Variants in EIF4G3 observed in about 807,000 individuals in gnomAD.
EIF4G3 encodes the protein eIF-4-gamma 3.
Under a neutral mutation model 186.4 loss-of-function variants are expected in EIF4G3, and 34 were observed. The observed-to-expected ratio is 0.18, with a 90% CI of 0.14 to 0.24. The LOEUF (loss-of-function observed/expected upper bound fraction) is 0.24. Ranked by LOEUF, EIF4G3 falls within the 10% of genes least tolerant of loss-of-function variation. The pLI is 1.00. For missense variants in EIF4G3, 1,536 were observed against 1,948.5 expected (o/e 0.79, Z 3.99); for synonymous variants, 673 against 679.5 (o/e 0.99, Z 0.15).
chr1:21,052,894 C>G (rs1333540209), intron 3 of EIF4G3, among the ~76,000 whole-genome samples: 1 of 152,244 alleles, frequency 6.6e-6, no homozygotes, highest in Admixed American at 6.5e-5. Flanking sequence ...TCAATGGTGC[C>G]CAGGCTGGAG....
chr1:21,074,857 T>C (rs1380212564), intron 3 of EIF4G3, among the ~76,000 whole-genome samples: 3 of 152,158 alleles, frequency 2.0e-5, no homozygotes, highest in East Asian at 1.9e-4. Flanking sequence ...AGAGAATCGC[T>C]TGAGCCCAGG....
intron 18 of EIF4G3, among the ~76,000 whole-genome samples, chr1:20,892,142 G>A (rs111316131): frequency 1.2e-4 from 18 of 152,214 alleles, no homozygotes; most frequent in Non-Finnish European, 1.9e-4. Context: ...TTTCAAAGCA[G>A]GTTTCAAAAG....
chr1:20,914,735 A>G (rs1440637930), intron 14 of EIF4G3, among the ~76,000 whole-genome samples: 1 of 152,172 alleles, frequency 6.6e-6, no homozygotes, highest in Non-Finnish European at 1.5e-5. Context: ...GCGTTATTTA[A>G]AAGTGTGTTA....
intron 4 of EIF4G3, among the ~76,000 whole-genome samples, chr1:21,048,785 C>T (rs751052139): frequency 6.6e-6 from 1 of 152,118 alleles, no homozygotes; most frequent in Non-Finnish European, 1.5e-5. Context: ...AAAGCCACAC[C>T]GTGCCCTCTC....
intron 4 of EIF4G3, among the ~76,000 whole-genome samples, chr1:21,041,803 TTCA>T (rs1218683282): frequency 6.6e-6 from 1 of 151,942 alleles, no homozygotes; most frequent in Admixed American, 6.6e-5. Flanking sequence ...AGCTTGAGAG[TTCA>T]TCATTCTTCA....
At chr1:21,169,449 C>A (rs184820892) in intron 2 of EIF4G3, among the ~76,000 whole-genome samples, 5 of 151,646 alleles carry the variant, frequency 3.3e-5, no homozygotes, top group South Asian at 2.1e-4. Flanking sequence ...CTCTCTCCCC[C>A]CAAAAAAATA....
chr1:20,916,626 A>T (rs2154559064), intron 14 of EIF4G3, among the ~76,000 whole-genome samples: 1 of 152,294 alleles, frequency 6.6e-6, no homozygotes, highest in East Asian at 1.9e-4. Context: ...ATGAATCTAG[A>T]AAAACAAAGG....
intron 18 of EIF4G3, among the ~76,000 whole-genome samples, chr1:20,886,830 A>G (rs2084329281): frequency 6.6e-6 from 1 of 152,168 alleles, no homozygotes; most frequent in Non-Finnish European, 1.5e-5. Flanking sequence ...GATTCCACTC[A>G]TTATGCTGGG....
At chr1:21,127,562 A>C (rs2097070532) in intron 2 of EIF4G3, among the ~76,000 whole-genome samples, 1 of 152,226 alleles carries the variant, frequency 6.6e-6, no homozygotes, top group Admixed American at 6.5e-5. Flanking sequence ...ATGTTTGTTG[A>C]ATAAAGGAAC....
chr1:21,012,138 A>G (rs771077064), intron 4 of EIF4G3, among the ~76,000 whole-genome samples: 5 of 152,172 alleles, frequency 3.3e-5, no homozygotes, highest in Non-Finnish European at 5.9e-5. Flanking sequence ...TTAATTATTA[A>G]ACATTTACAT....
At chr1:20,895,337 A>C in intron 17 of EIF4G3, 31 bp downstream of exon 17, 1 of 1,596,508 alleles carries the variant, frequency 6.3e-7, no homozygotes, top group Non-Finnish European at 8.6e-7. Context: ...CCCACCAAAA[A>C]GAACTAGTTT....
At chr1:21,009,400 C>T (rs947580487) in intron 4 of EIF4G3, among the ~76,000 whole-genome samples, 4 of 152,108 alleles carry the variant, frequency 2.6e-5, no homozygotes, top group Non-Finnish European at 5.9e-5. Context: ...AGTCTGGTCT[C>T]AAATTCCTGG....
chr1:20,847,632 A>C (rs1386256042), intron 29 of EIF4G3, among the ~76,000 whole-genome samples: 1 of 152,094 alleles, frequency 6.6e-6, no homozygotes, highest in East Asian at 1.9e-4. Flanking sequence ...CAATTCGTTC[A>C]CATTTCCCTA....
chr1:20,808,868 T>A lies in EIF4G3; in HGVS notation c.4745-1368A>T, dbSNP rs544326162. ...TATAGTTATCATATATAATAAGTTA[T>A]TAGCTTATAGTTATTATAGTCAGCT... On this transcript the variant is annotated intron_variant, in intron 36 of 36. Transcript: ENST00000602326. 2.0e-5 allele frequency among the ~76,000 whole-genome samples: 3 copies of A among 152,326 alleles called. No homozygotes were observed. In the South Asian group the frequency reaches 6.2e-4, roughly 32 times the overall value.
intron 2 of EIF4G3, among the ~76,000 whole-genome samples, chr1:21,125,998 G>GT (rs1007320647): frequency 6.6e-6 from 1 of 151,342 alleles, no homozygotes; most frequent in Non-Finnish European, 1.5e-5. Context: ...GAGTCCAGGA[G>GT]TTTGAGACCA....
At chr1:20,867,929 A>T (rs1362591926) in intron 20 of EIF4G3, among the ~76,000 whole-genome samples, 2 of 152,146 alleles carry the variant, frequency 1.3e-5, no homozygotes, top group Admixed American at 6.5e-5. Context: ...ATTTACAAAA[A>T]TGTATCTCTG....
chr1:20,961,621 GTGTA>G (rs1212615590), intron 12 of EIF4G3, among the ~76,000 whole-genome samples: 1 of 152,040 alleles, frequency 6.6e-6, no homozygotes, highest in East Asian at 1.9e-4. Context: ...AAACCATATA[GTGTA>G]TACAAATTCA....
intron 2 of EIF4G3, among the ~76,000 whole-genome samples, chr1:21,164,845 C>G (rs1273003101): frequency 6.6e-6 from 1 of 152,074 alleles, no homozygotes; most frequent in Non-Finnish European, 1.5e-5. Flanking sequence ...GCCTGGGTGA[C>G]AGAGACAGAC....
intron 4 of EIF4G3, among the ~76,000 whole-genome samples, chr1:21,021,065 C>T (rs537220848): frequency 7.2e-5 from 11 of 152,290 alleles, no homozygotes; most frequent in African/African-American, 1.9e-4. Context: ...TTCACGGCAA[C>T]CTTCACCTCT....
Sources: gnomAD v4.1 joint callset for allele counts (sites outside exome capture counted in the v4.1 genomes callset) on GRCh38, gnomAD v4.1.1 for gene constraint, MANE v1.5 for transcripts, NCBI Gene and HGNC (gene_info 2026-07-23, HGNC 2026-07-21) for gene names.